OPTN: variants seen among roughly 807,000 people sequenced by gnomAD.
OPTN encodes the protein E3-14.7K-interacting protein.
OPTN carries 54 observed loss-of-function variants against 70.4 expected under a neutral mutation model. The observed-to-expected ratio is 0.77, with a 90% CI of 0.62 to 0.96. The LOEUF (loss-of-function observed/expected upper bound fraction) is 0.96. OPTN is among the 40% of genes least tolerant of loss of function. The pLI, the probability that OPTN is intolerant of heterozygous loss-of-function variation, is 0.00. For missense variants in OPTN, 624 were observed against 673.2 expected, an observed-to-expected ratio of 0.93 and a Z score of 0.81; for synonymous variants, 256 against 248.5, an observed-to-expected ratio of 1.03 and a Z score of -0.28.
At chr10:13,108,495 A>T (rs949809383) in intron 2 of OPTN, among the ~76,000 whole-genome samples, 9 of 151,068 alleles carry the variant, frequency 6.0e-5, no homozygotes, top group African/African-American at 1.9e-4. Context: ...GATCATCATG[A>T]TGTCATACCC....
chr10:13,112,381 T>C, intron 4 of OPTN, 72 bp from the exon 5 acceptor site: 1 of 1,448,120 alleles, frequency 6.9e-7, no homozygotes, highest in Non-Finnish European at 9.6e-7. Flanking sequence ...AGCTCTGCGA[T>C]TAAGGGCATG....
Position 13,108,910 on chromosome 10 carries a change from G to GCGCACACA in OPTN, c.-11-201_-11-200insGCACACAC, listed in dbSNP as rs111744244. ...CACACACACATGCACACATGCGCGTGCACACACACACACACTTTTCTGAAG... is the reference window on the plus strand; with the variant it reads ...CACACACACATGCACACATGCGCGTGCGCACACACACACACACACACACTTTTCTGAAG... On this transcript the variant is annotated intron_variant, in intron 2 of 14. Coordinates refer to ENST00000378747, the MANE Select transcript of OPTN (RefSeq NM_001008212.2). 932 of 589,876 alleles carry GCGCACACA rather than the reference G, an allele frequency of 1.6e-3. 9 individuals are homozygous for GCGCACACA. Among genetic ancestry groups the GCGCACACA allele is most frequent in the African/African-American group, 0.015 (836 of 54,376 alleles). 36.5% of individuals were successfully genotyped at this position (589,876 alleles called of 1,614,324 possible). A position where few individuals can be genotyped will look rare whatever the true frequency, so the allele number is the denominator to read the frequency against.
chr10:13,123,588 A>T (rs1833398871), intron 8 of OPTN, among the ~76,000 whole-genome samples: 1 of 152,242 alleles, frequency 6.6e-6, no homozygotes, highest in Non-Finnish European at 1.5e-5. Context: ...AAAAGGCTGC[A>T]CAACAAAAAT....
chr10:13,109,892 T>A lies in OPTN; in HGVS notation c.167-382T>A, dbSNP rs1832958048. Among the ~76,000 whole-genome samples, 3 of 136,502 alleles carry A rather than the reference T, an allele frequency of 2.2e-5. No individual in the cohort carries two copies. The South Asian group carries it at 7.6e-4, about 34-fold the overall frequency. The allele number at this position is 136,502 out of a possible 152,430, so 89.6% of individuals were successfully genotyped here. A position where few individuals can be genotyped will look rare whatever the true frequency, so the allele number is the denominator to read the frequency against. On this transcript the variant is annotated intron_variant, in intron 3 of 14. Transcript: ENST00000378747. ...AAGGCTGCTATGGTTCCAGAGTTAG[T>A]CCTATATATTACCTTATTAAGAGAA...
intron 1 of OPTN, among the ~76,000 whole-genome samples, chr10:13,104,254 C>CTTTTTTTTTTTTTTTTT (rs60982439): frequency 1.0e-5 from 1 of 97,840 alleles, no homozygotes; most frequent in Non-Finnish European, 1.9e-5. Context: ...GTTTTTTTTT[C>CTTTTTTTTTTTTTTTTT]TTTTTTTTTT....
At chr10:13,115,649 A>G (rs978366650) in intron 5 of OPTN, among the ~76,000 whole-genome samples, 6 of 139,970 alleles carry the variant, frequency 4.3e-5, no homozygotes, top group Admixed American at 1.6e-4. Flanking sequence ...TATTATATAT[A>G]TATTTATACG....
chr10:13,128,534 T>C (rs1368126880), intron 12 of OPTN, among the ~76,000 whole-genome samples: 2 of 121,574 alleles, frequency 1.6e-5, no homozygotes, highest in African/African-American at 6.1e-5. Flanking sequence ...TTTTTTTTTT[T>C]GGTTTGGTTT....
rs764166537 is a variant in OPTN, at chr10:13,109,192, C to A, written c.70C>A (p.Pro24Thr). ...DSPSESTGNGPPHLAHPNLDT... is the reference protein window; with the variant it reads ...DSPSESTGNGTPHLAHPNLDT... Reference sequence around the variant, plus strand: ...CCCCAGTGAAAGCACAGGAAATGGACCCCCCCACCTGGCCCACCCAAACCT... The same window carrying A: ...CCCCAGTGAAAGCACAGGAAATGGAACCCCCCACCTGGCCCACCCAAACCT... Residue 24 changes from proline (P) to threonine (T), a missense_variant, in exon 3 of 15, where the codon CCC (proline) becomes ACC (threonine). Coordinates refer to ENST00000378747, the MANE Select transcript of OPTN (RefSeq NM_001008212.2). 4 of 1,613,354 alleles carry A rather than the reference C, an allele frequency of 2.5e-6. No homozygotes were observed. Among genetic ancestry groups the A allele is most frequent in the Admixed American group, 1.7e-5 (1 of 59,978 alleles).
intron 13 of OPTN, 53 bp downstream of exon 13, chr10:13,132,250 G>C: frequency 6.2e-7 from 1 of 1,601,130 alleles, no homozygotes; most frequent in Non-Finnish European, 8.5e-7. Context: ...GGCCGTAGAA[G>C]AGGTGCCTGT....
chr10:13,119,981 C>CTTTTTTT (rs35284693), intron 7 of OPTN, among the ~76,000 whole-genome samples: 1 of 117,648 alleles, frequency 8.5e-6, no homozygotes, highest in African/African-American at 3.1e-5. Context: ...TATTTTCTTT[C>CTTTTTTT]TTTTTTTTTT....
chr10:13,137,174 G>A lies in OPTN; in HGVS notation c.*308G>A, dbSNP rs576530975. On this transcript the variant is annotated 3_prime_UTR_variant, in exon 15 of 15. Coordinates refer to ENST00000378747, the MANE Select transcript of OPTN (RefSeq NM_001008212.2). ...CATGCCTGTAGTCGCAGCTACTCGC[G>A]AGGTTGAGGCAGGAGAATTGCTTGA... The A allele has an allele frequency of 4.2e-5, 18 of 431,502 alleles. No individual in the cohort carries two copies. Among genetic ancestry groups the A allele is most frequent in the African/African-American group, 2.6e-4 (13 of 50,296 alleles). The allele number at this position is 431,502 out of a possible 1,614,324, so 26.7% of individuals were successfully genotyped here. A position where few individuals can be genotyped will look rare whatever the true frequency, so the allele number is the denominator to read the frequency against.
chr10:13,133,261 T>C (rs544338902), intron 13 of OPTN, among the ~76,000 whole-genome samples: 1 of 152,366 alleles, frequency 6.6e-6, no homozygotes, highest in South Asian at 2.1e-4. Flanking sequence ...GCCACTTCTT[T>C]CTAATCTGTT....
At chr10:13,109,082 C>G (rs756759029) in intron 2 of OPTN, 30 bp from the exon 3 acceptor site, 2 of 1,608,316 alleles carry the variant, frequency 1.2e-6, no homozygotes, top group East Asian at 4.5e-5. Flanking sequence ...CGGGGGACAG[C>G]TCTATTTTCA....
chr10:13,125,628 A>G (rs1222416989), intron 10 of OPTN, 61 bp downstream of exon 10: 16 of 1,591,280 alleles, frequency 1.0e-5, no homozygotes, highest in Admixed American at 1.7e-5. Context: ...GCCTTTTTAT[A>G]CAGATTGGAA....
chr10:13,129,151 A>C (rs1833537148), intron 12 of OPTN, among the ~76,000 whole-genome samples: 2 of 152,112 alleles, frequency 1.3e-5, no homozygotes. Flanking sequence ...AAATGAGGTA[A>C]GGGTAAATAT....
chr10:13,111,018 G>GA (rs1364513406), intron 4 of OPTN, among the ~76,000 whole-genome samples: 1 of 152,174 alleles, frequency 6.6e-6, no homozygotes, highest in African/African-American at 2.4e-5. Context: ...AAAGAACCTG[G>GA]AAAAATGTGC....
intron 6 of OPTN, 93 bp downstream of exon 6, chr10:13,116,433 G>A (rs1833212003): frequency 1.2e-6 from 1 of 833,010 alleles, no homozygotes; most frequent in East Asian, 2.4e-5. Context: ...TGTGACCTGA[G>A]GAAGTAACTT....
intron 4 of OPTN, among the ~76,000 whole-genome samples, 154 bp from the exon 5 acceptor site, chr10:13,112,299 G>A (rs1351251562): frequency 2.9e-4 from 44 of 151,832 alleles, no homozygotes; most frequent in Admixed American, 2.9e-3. Flanking sequence ...GTAAAGATGG[G>A]GGTCTTGCTA....
intron 6 of OPTN, 70 bp downstream of exon 6, chr10:13,116,410 G>C: frequency 1.9e-6 from 2 of 1,044,590 alleles, no homozygotes; most frequent in African/African-American, 1.6e-5. Flanking sequence ...GCTTGTCACC[G>C]GAGGTCAAAT....
Sources: allele counts gnomAD v4.1 joint callset (sites outside exome capture counted in the v4.1 genomes callset), GRCh38; gene constraint gnomAD v4.1.1; transcripts MANE v1.5; gene names NCBI Gene and HGNC (gene_info 2026-07-23, HGNC 2026-07-21).